Variants in LINGO2 observed in about 807,000 individuals in gnomAD.
LINGO2 encodes leucine rich repeat and Ig domain containing 2.
LINGO2 carries 14 observed loss-of-function variants against 30.6 expected under a neutral mutation model. That is an observed-to-expected ratio of 0.46 (90% confidence interval 0.30 to 0.72). LINGO2 has a LOEUF of 0.72. Ranked by LOEUF, LINGO2 falls within the 30% of genes least tolerant of loss-of-function variation. LINGO2 has a pLI of 0.07. For missense variants in LINGO2, 729 were observed against 751.7 expected, an observed-to-expected ratio of 0.97 and a Z score of 0.35; for synonymous variants, 317 against 288.5, an observed-to-expected ratio of 1.10 and a Z score of -1.00.
chr9:28,178,274 T>C (rs1564021092), intron 4 of LINGO2, among the ~76,000 whole-genome samples: 1 of 152,164 alleles, frequency 6.6e-6, no homozygotes, highest in Non-Finnish European at 1.5e-5. Context: ...CGGTAGCGTA[T>C]ACATTATATT....
chr9:28,448,750 C>T (rs767978806), intron 2 of LINGO2, among the ~76,000 whole-genome samples: 1 of 151,894 alleles, frequency 6.6e-6, no homozygotes, highest in Admixed American at 6.6e-5. Flanking sequence ...TTTAAGCTAG[C>T]CTTGAGTGAC....
At chr9:29,122,552 T>C in the LINGO2 span, among the ~76,000 whole-genome samples, 2 of 151,972 alleles carry the variant, frequency 1.3e-5, no homozygotes, top group Admixed American at 1.3e-4. Context: ...TATGTTTTTC[T>C]AAGCATTTAC....
At position 28,337,372 on chromosome 9, in the gene LINGO2, A is replaced by T. The variant is rs1888816; in HGVS notation, c.-246+35464T>A. On this transcript the variant is annotated intron_variant, in intron 3 of 5. Transcript: ENST00000379992. ...AATGTAAACAAATCATTCAACAGGAAGCAGGGCATGAAAGTTTGGAAAATC... is the reference window on the plus strand; with the variant it reads ...AATGTAAACAAATCATTCAACAGGATGCAGGGCATGAAAGTTTGGAAAATC... Among the ~76,000 whole-genome samples, 748 of 152,304 alleles carry T rather than the reference A, an allele frequency of 4.9e-3. 9 individuals carry two copies. Among genetic ancestry groups the T allele is most frequent in the African/African-American group, 0.017 (703 of 41,572 alleles).
chr9:28,271,097 A>T (rs778396509), intron 4 of LINGO2, among the ~76,000 whole-genome samples: 1 of 152,052 alleles, frequency 6.6e-6, no homozygotes, highest in Non-Finnish European at 1.5e-5. Context: ...GGAATTCAAG[A>T]ACATAGTCCT....
chr9:28,551,758 A>T (rs1822296438), intron 1 of LINGO2, among the ~76,000 whole-genome samples: 1 of 152,050 alleles, frequency 6.6e-6, no homozygotes, highest in Non-Finnish European at 1.5e-5. Flanking sequence ...CTGTATATTG[A>T]CATTCTATTT....
intron 4 of LINGO2, among the ~76,000 whole-genome samples, chr9:28,048,804 A>C (rs1028408328): frequency 6.6e-6 from 1 of 150,692 alleles, no homozygotes; most frequent in Admixed American, 6.7e-5. Context: ...GAAATGTTAA[A>C]AGTACCACAA....
the LINGO2 span, among the ~76,000 whole-genome samples, chr9:29,039,201 C>T: frequency 6.6e-6 from 1 of 152,036 alleles, no homozygotes; most frequent in African/African-American, 2.4e-5. Context: ...ATTGAAACAC[C>T]CCAAATCCAC....
At chr9:27,954,756 T>C (rs932420764) in intron 5 of LINGO2, among the ~76,000 whole-genome samples, 2 of 152,188 alleles carry the variant, frequency 1.3e-5, no homozygotes, top group Non-Finnish European at 2.9e-5. Context: ...TTAATGGACT[T>C]ACAGTCCCAG....
the LINGO2 span, among the ~76,000 whole-genome samples, chr9:28,831,538 C>A: frequency 6.6e-6 from 1 of 151,774 alleles, no homozygotes; most frequent in Non-Finnish European, 1.5e-5. Flanking sequence ...CCCAGGTCAG[C>A]CAGAAATGTT....
chr9:27,982,140 T>C (rs1413857553), intron 5 of LINGO2, among the ~76,000 whole-genome samples: 1 of 151,840 alleles, frequency 6.6e-6, no homozygotes, highest in Non-Finnish European at 1.5e-5. Context: ...TCCTGAAGTA[T>C]AGGGATTTTA....
chr9:28,296,542 C>T (rs144070865), intron 3 of LINGO2, among the ~76,000 whole-genome samples: 3 of 152,222 alleles, frequency 2.0e-5, no homozygotes, highest in South Asian at 2.1e-4. Flanking sequence ...TAGAGCTTCA[C>T]GGATTCCCAG....
At chr9:28,322,052 T>A (rs1022125368) in intron 3 of LINGO2, among the ~76,000 whole-genome samples, 3 of 152,200 alleles carry the variant, frequency 2.0e-5, no homozygotes, top group African/African-American at 7.2e-5. Context: ...ACTACTTACC[T>A]CAGCTTACTA....
chr9:28,601,029 C>G (rs987088186), intron 1 of LINGO2, among the ~76,000 whole-genome samples: 1 of 152,046 alleles, frequency 6.6e-6, no homozygotes. Flanking sequence ...GTAAACAGAT[C>G]CCTTGGAGCC....
rs142599079 is a variant in LINGO2 at position 28,668,266 on chromosome 9, T to C, written c.-365+1934A>G. 3.6e-4 allele frequency among the ~76,000 whole-genome samples: 55 copies of C among 152,120 alleles called. No individual in the cohort carries two copies. In the East Asian group the frequency reaches 0.01, roughly 28 times the overall value. On this transcript the variant is annotated intron_variant, in intron 1 of 5. Transcript: ENST00000379992. ...CTTATTTTAAATGAAATCTTATCTG[T>C]AGGCAAAAGAAAAGGAACCAGTGCT... is the stretch of plus-strand genomic sequence containing the variant.
intron 4 of LINGO2, among the ~76,000 whole-genome samples, chr9:28,105,852 T>C (rs1826574507): frequency 6.6e-6 from 1 of 152,016 alleles, no homozygotes; most frequent in Admixed American, 6.6e-5. Flanking sequence ...GACCAGAAAC[T>C]TGATCTCGGA....
chr9:28,678,352 C>A, the LINGO2 span, among the ~76,000 whole-genome samples: 1 of 151,914 alleles, frequency 6.6e-6, no homozygotes, highest in Admixed American at 6.6e-5. Flanking sequence ...CTTGCTTAGT[C>A]ATTTCCTTCT....
the LINGO2 span, among the ~76,000 whole-genome samples, chr9:29,081,211 C>G: frequency 6.6e-6 from 1 of 152,100 alleles, no homozygotes; most frequent in African/African-American, 2.4e-5. Context: ...AGCAGCACAT[C>G]AAAAAGCTTA....
At chr9:28,828,196 G>A in the LINGO2 span, among the ~76,000 whole-genome samples, 144,113 of 151,950 alleles carry the variant, frequency 0.95, 68,824 homozygotes, top group East Asian at 1. Context: ...ATTCTTACAC[G>A]TATGTTCTGA....
the LINGO2 span, among the ~76,000 whole-genome samples, chr9:28,992,571 G>T: frequency 6.6e-6 from 1 of 152,086 alleles, no homozygotes; most frequent in Non-Finnish European, 1.5e-5. Flanking sequence ...ATTTTTTTCA[G>T]CACCACACCA....
Sources: gnomAD v4.1 joint callset for allele counts (sites outside exome capture counted in the v4.1 genomes callset) on GRCh38, gnomAD v4.1.1 for gene constraint, MANE v1.5 for transcripts, NCBI Gene and HGNC (gene_info 2026-07-23, HGNC 2026-07-21) for gene names.